NTM: variants seen among roughly 807,000 people sequenced by gnomAD.
NTM encodes the protein IgLON family member 2.
A neutral mutation model predicts 42.1 loss-of-function variants in NTM; 13 were observed. That is an observed-to-expected ratio of 0.31 (90% CI 0.20 to 0.49). NTM has a LOEUF of 0.49. Among genes scored for constraint, NTM ranks in the 20% least tolerant of loss-of-function variants. The pLI is 0.99. For synonymous variants in NTM, 187 were observed against 179.2 expected, an observed-to-expected ratio of 1.04 and a Z score of -0.35; for missense variants, 373 against 452.8, an observed-to-expected ratio of 0.82 and a Z score of 1.60.
At chr11:132,272,100 T>C (rs2093507044) in intron 4 of NTM, among the ~76,000 whole-genome samples, 1 of 152,082 alleles carries the variant, frequency 6.6e-6, no homozygotes, top group South Asian at 2.1e-4. Context: ...GGATATCTAG[T>C]TTTCCCCAGC....
chr11:132,058,040 A>G (rs1035346427), intron 2 of NTM, among the ~76,000 whole-genome samples: 2 of 152,110 alleles, frequency 1.3e-5, no homozygotes, highest in Non-Finnish European at 1.5e-5. Context: ...AAACCTACAT[A>G]TACAGTCCTA....
intron 1 of NTM, among the ~76,000 whole-genome samples, chr11:131,569,307 G>C (rs1416104593): frequency 6.6e-6 from 1 of 152,000 alleles, no homozygotes; most frequent in Non-Finnish European, 1.5e-5. Context: ...ACTATGCCTG[G>C]CTAATTTTTG....
At chr11:131,594,685 C>A (rs977665976) in intron 1 of NTM, among the ~76,000 whole-genome samples, 1 of 152,176 alleles carries the variant, frequency 6.6e-6, no homozygotes, top group Admixed American at 6.5e-5. Flanking sequence ...TAGGCATGAG[C>A]CACCATGCCT....
rs537700739 is a variant in NTM at position 132,002,403 on chromosome 11, CAG to C, written c.167+90757_167+90758del. On this transcript the variant is annotated intron_variant, in intron 2 of 8. Transcript: ENST00000683400. This position sits in a 1 kb window ranked among gnomAD's most constrained non-coding sequence, Gnocchi z 4.5. Reference sequence around the variant, plus strand: ...ATAAGCAACTGAGTTGGGAAGGTAACAGAAGGGGAAATTTTGGTTGAATAGGA... The same window carrying C: ...ATAAGCAACTGAGTTGGGAAGGTAACAAGGGGAAATTTTGGTTGAATAGGA... Among the ~76,000 whole-genome samples the C allele has an allele frequency of 9.9e-4, 151 of 152,180 alleles. No homozygotes were observed. The highest frequency in any genetic ancestry group is 3.6e-3 in the African/African-American group (149 of 41,522).
At chr11:131,953,926 A>G (rs534408788) in intron 2 of NTM, among the ~76,000 whole-genome samples, 266 of 152,268 alleles carry the variant, frequency 1.7e-3, no homozygotes, top group Non-Finnish European at 3.2e-3. Flanking sequence ...CTCCGTGGAG[A>G]TGGAGAAAGC....
At chr11:131,791,041 G>A (rs909813170) in intron 1 of NTM, among the ~76,000 whole-genome samples, 2 of 152,138 alleles carry the variant, frequency 1.3e-5, no homozygotes, top group Non-Finnish European at 2.9e-5. Context: ...GGGTGTTATT[G>A]TGAGAAAATA....
intron 2 of NTM, among the ~76,000 whole-genome samples, chr11:132,125,440 G>T (rs1168525972): frequency 6.8e-6 from 1 of 147,024 alleles, no homozygotes; most frequent in African/African-American, 2.5e-5. Context: ...GTGTGGTGAG[G>T]TATGAGTGTG....
intron 3 of NTM, among the ~76,000 whole-genome samples, chr11:132,186,606 T>A (rs2078438872): frequency 6.6e-6 from 1 of 152,264 alleles, no homozygotes; most frequent in African/African-American, 2.4e-5. Flanking sequence ...TGTTTTGAAA[T>A]GTTCGGGCTT....
At chr11:131,829,183 A>G (rs1030798853) in intron 1 of NTM, among the ~76,000 whole-genome samples, 1 of 152,186 alleles carries the variant, frequency 6.6e-6, no homozygotes, top group Non-Finnish European at 1.5e-5. Flanking sequence ...CACTTAAAAA[A>G]AAAATGATTA....
chr11:131,892,108 CTCT>C (rs1274466849), intron 1 of NTM, among the ~76,000 whole-genome samples: 1 of 152,132 alleles, frequency 6.6e-6, no homozygotes, highest in Non-Finnish European at 1.5e-5. Context: ...TCAGCTGCTC[CTCT>C]TCTTCCTCCT....
chr11:132,175,490 T>C (rs2076669541), intron 3 of NTM, among the ~76,000 whole-genome samples: 1 of 152,174 alleles, frequency 6.6e-6, no homozygotes, highest in Non-Finnish European at 1.5e-5. Flanking sequence ...TTTCCAGAAA[T>C]GGAGATTCAG....
At chr11:131,990,210 T>G (rs575733638) in intron 2 of NTM, among the ~76,000 whole-genome samples, 3 of 152,254 alleles carry the variant, frequency 2.0e-5, no homozygotes. Flanking sequence ...AAATTCTAGA[T>G]TTGAACTGAA....
intron 4 of NTM, among the ~76,000 whole-genome samples, chr11:132,286,946 A>G (rs1338283988): frequency 6.6e-6 from 1 of 152,184 alleles, no homozygotes; most frequent in Non-Finnish European, 1.5e-5. Flanking sequence ...TTTGGTGCCT[A>G]TGTCCTTCTC....
At chr11:132,075,158 T>A (rs954091657) in intron 2 of NTM, among the ~76,000 whole-genome samples, 12 of 151,550 alleles carry the variant, frequency 7.9e-5, no homozygotes, top group Non-Finnish European at 1.3e-4. Context: ...AATCAAAGAG[T>A]GGAATGATGG....
intron 1 of NTM, among the ~76,000 whole-genome samples, chr11:131,442,690 G>A (rs1306032725): frequency 1.3e-5 from 2 of 152,068 alleles, no homozygotes; most frequent in East Asian, 1.9e-4. Context: ...TTCTGTTTCC[G>A]AGTTATTTCA....
intron 2 of NTM, among the ~76,000 whole-genome samples, chr11:132,023,534 G>C (rs2074672094): frequency 6.6e-6 from 1 of 152,138 alleles, no homozygotes; most frequent in Admixed American, 6.5e-5. Flanking sequence ...TGCTCTCCTG[G>C]TTGTTTTGGA....
At position 131,599,362 on chromosome 11, in the gene NTM, C is replaced by T. The variant is rs113278150; in HGVS notation, c.82+228474C>T. Among the ~76,000 whole-genome samples, 41 of 150,108 alleles carry T rather than the reference C, an allele frequency of 2.7e-4. 1 individual carries two copies. The highest frequency in any genetic ancestry group is 1.0e-3 in the African/African-American group (41 of 39,906). ...CTGTCTACCCAGTCTCCGGCAGATGCCCTGTCTACCCAGTCTCCGGCAGAG... is the reference window on the plus strand; with the variant it reads ...CTGTCTACCCAGTCTCCGGCAGATGTCCTGTCTACCCAGTCTCCGGCAGAG... On this transcript the variant is annotated intron_variant, in intron 1 of 8. Coordinates refer to ENST00000683400, the MANE Select transcript of NTM (RefSeq NM_001352005.2).
rs143125374 is a variant in NTM at position 131,794,193 on chromosome 11, G to A, written c.83-117371G>A. On this transcript the variant is annotated intron_variant, in intron 1 of 8. Coordinates refer to ENST00000683400, the MANE Select transcript of NTM (RefSeq NM_001352005.2). ...TCCTTGACACCACCTCTGTGTGCAG[G>A]GCCTGTCTCGCACCTCTGGCTTGGG... 4.4e-3 allele frequency among the ~76,000 whole-genome samples: 671 copies of A among 152,176 alleles called. 1 individual carries two copies. Among genetic ancestry groups the A allele is most frequent in the Non-Finnish European group, 6.5e-3 (444 of 68,022 alleles).
chr11:132,167,896 C>CCCTAT (rs1212389865), intron 3 of NTM, among the ~76,000 whole-genome samples: 4 of 152,276 alleles, frequency 2.6e-5, no homozygotes, highest in African/African-American at 9.6e-5. Flanking sequence ...TAGGATGAAG[C>CCCTAT]CTGTTTTGCC....
Sources: gnomAD v4.1 joint callset for allele counts (sites outside exome capture counted in the v4.1 genomes callset) on GRCh38, gnomAD v4.1.1 for gene constraint, Gnocchi (gnomAD v3.1) non-coding constraint, MANE v1.5 for transcripts, NCBI Gene and HGNC (gene_info 2026-07-23, HGNC 2026-07-21) for gene names.